RASGRF2: variants seen among roughly 807,000 people sequenced by gnomAD.
RASGRF2 encodes the protein Ras protein specific guanine nucleotide releasing factor 2.
In RASGRF2, 76 loss-of-function variants were observed where a neutral mutation model predicts 151.0. The observed-to-expected ratio is 0.50, with a 90% CI of 0.42 to 0.61. RASGRF2 has a LOEUF of 0.61. RASGRF2 is among the 20% of genes least tolerant of loss of function. The probability of loss-of-function intolerance (pLI) is 0.00; values close to 1 mark genes in which losing one functional copy is unlikely to be tolerated. For missense variants in RASGRF2, 1,148 were observed against 1,564.6 expected, an observed-to-expected ratio of 0.73 and a Z score of 4.49; for synonymous variants, 504 against 566.5, an observed-to-expected ratio of 0.89 and a Z score of 1.57.
chr5:81,034,625 A>C (rs1750400280), intron 1 of RASGRF2, among the ~76,000 whole-genome samples: 1 of 151,776 alleles, frequency 6.6e-6, no homozygotes, highest in African/African-American at 2.4e-5. Context: ...AGCCATAAAA[A>C]ATGATGAGTT....
intron 9 of RASGRF2, among the ~76,000 whole-genome samples, chr5:81,091,964 T>C (rs921524498): frequency 1.3e-5 from 2 of 152,330 alleles, no homozygotes; most frequent in Non-Finnish European, 1.5e-5. Context: ...GAAGTCAGAA[T>C]CAAGAGGTTG....
At chr5:80,971,689 C>T (rs1453450675) in intron 1 of RASGRF2, among the ~76,000 whole-genome samples, 1 of 151,946 alleles carries the variant, frequency 6.6e-6, no homozygotes, top group African/African-American at 2.4e-5. Flanking sequence ...TCTCAGCCCC[C>T]CAAGTAGCTG....
At chr5:81,171,498 T>C (rs1422683052) in intron 17 of RASGRF2, among the ~76,000 whole-genome samples, 1 of 152,090 alleles carries the variant, frequency 6.6e-6, no homozygotes, top group Non-Finnish European at 1.5e-5. Flanking sequence ...GGTCACAAAG[T>C]TGAGCAGACA....
chr5:81,094,248 T>C (rs1752473573), intron 10 of RASGRF2, 48 bp from the exon 11 acceptor site: 1 of 1,477,060 alleles, frequency 6.8e-7, no homozygotes, highest in Non-Finnish European at 9.4e-7. Flanking sequence ...AGCTTCCCAA[T>C]CTACACAAGA....
In RASGRF2 at chr5:81,182,966, A is replaced by G. The variant is rs372355003; in HGVS notation, c.2793+2685A>G. Among the ~76,000 whole-genome samples, 5 of 152,350 alleles carry G rather than the reference A, an allele frequency of 3.3e-5. No homozygotes were observed. The East Asian group carries it at 5.8e-4, about 18-fold the overall frequency. ...CACCCTTATTGTTTTTGGTTTTCACATCATAAAGCGAAGGGCTTGGATACG... is the reference window on the plus strand; with the variant it reads ...CACCCTTATTGTTTTTGGTTTTCACGTCATAAAGCGAAGGGCTTGGATACG... On this transcript the variant is annotated intron_variant, in intron 18 of 26. Coordinates refer to ENST00000265080, the MANE Select transcript of RASGRF2 (RefSeq NM_006909.3).
At chr5:81,170,184 C>A (rs774387804) in intron 17 of RASGRF2, among the ~76,000 whole-genome samples, 3 of 151,970 alleles carry the variant, frequency 2.0e-5, no homozygotes, top group Non-Finnish European at 4.4e-5. Flanking sequence ...GCACTCCCTG[C>A]ACCACTGTTA....
At chr5:81,213,938 C>T (rs1160839497) in intron 23 of RASGRF2, among the ~76,000 whole-genome samples, 1 of 152,142 alleles carries the variant, frequency 6.6e-6, no homozygotes, top group East Asian at 1.9e-4. Flanking sequence ...CGCGGGGATT[C>T]CCTGCACCTT....
chr5:81,072,159 A>G (rs1204451524), intron 4 of RASGRF2, among the ~76,000 whole-genome samples: 1 of 152,208 alleles, frequency 6.6e-6, no homozygotes, highest in Non-Finnish European at 1.5e-5. Flanking sequence ...ATATCAACCT[A>G]ATTTTTGTTT....
intron 17 of RASGRF2, among the ~76,000 whole-genome samples, chr5:81,173,947 T>A (rs1410827118): frequency 3.3e-5 from 5 of 152,152 alleles, no homozygotes; most frequent in African/African-American, 9.7e-5. Flanking sequence ...TAGATACTGA[T>A]TGAATAATTG....
intron 17 of RASGRF2, among the ~76,000 whole-genome samples, chr5:81,168,530 C>T (rs776637842): frequency 2.0e-5 from 3 of 151,944 alleles, no homozygotes; most frequent in Admixed American, 1.3e-4. Context: ...AGGCTGGTCT[C>T]GAACTCCTGA....
intron 17 of RASGRF2, among the ~76,000 whole-genome samples, chr5:81,160,448 G>T (rs985672349): frequency 5.3e-5 from 8 of 150,538 alleles, no homozygotes; most frequent in African/African-American, 2.0e-4. Flanking sequence ...GAGGCAGACA[G>T]ATCACGAGGT....
At chr5:81,127,923 C>CAAAAAAAA (rs60196392) in intron 17 of RASGRF2, among the ~76,000 whole-genome samples, 80 of 64,834 alleles carry the variant, frequency 1.2e-3, no homozygotes, top group African/African-American at 2.0e-3. Flanking sequence ...GACTCCGTCT[C>CAAAAAAAA]AAAAAAAAAA....
At chr5:80,975,465 A>G (rs1332951750) in intron 1 of RASGRF2, among the ~76,000 whole-genome samples, 1 of 152,104 alleles carries the variant, frequency 6.6e-6, no homozygotes, top group Non-Finnish European at 1.5e-5. Context: ...AACTCTTTTT[A>G]AAACAGTGGA....
At chr5:81,102,810 A>C (rs922122334) in intron 12 of RASGRF2, among the ~76,000 whole-genome samples, 1 of 152,210 alleles carries the variant, frequency 6.6e-6, no homozygotes, top group African/African-American at 2.4e-5. Context: ...TTGAGTGTTG[A>C]AATCCCAAGC....
At chr5:81,179,148 G>A (rs1369406638) in intron 17 of RASGRF2, among the ~76,000 whole-genome samples, 1 of 152,212 alleles carries the variant, frequency 6.6e-6, no homozygotes, top group East Asian at 1.9e-4. Flanking sequence ...AAAACAGTGT[G>A]TCAGTGGAAA....
chr5:81,029,934 T>C (rs1174588274), intron 1 of RASGRF2, among the ~76,000 whole-genome samples: 5 of 152,066 alleles, frequency 3.3e-5, no homozygotes, highest in African/African-American at 1.2e-4. Context: ...CTAACTAGAA[T>C]AAACAATGTA....
intron 15 of RASGRF2, among the ~76,000 whole-genome samples, chr5:81,120,189 C>T (rs1205578187): frequency 6.6e-6 from 1 of 152,142 alleles, no homozygotes. Flanking sequence ...CTATAGCTGT[C>T]CTCTAATTTC....
At chr5:81,114,150 A>G (rs924100503) in intron 15 of RASGRF2, among the ~76,000 whole-genome samples, 1 of 152,224 alleles carries the variant, frequency 6.6e-6, no homozygotes, top group Admixed American at 6.5e-5. Context: ...TAAAAGGCTT[A>G]TTGTGGTCAG....
intron 17 of RASGRF2, among the ~76,000 whole-genome samples, chr5:81,158,510 GAACA>G: frequency 6.6e-6 from 1 of 151,970 alleles, no homozygotes; most frequent in Non-Finnish European, 1.5e-5. Context: ...TCGAGAAAGT[GAACA>G]GACAACCCAT....
Sources: gnomAD v4.1 joint callset for allele counts (sites outside exome capture counted in the v4.1 genomes callset) on GRCh38, gnomAD v4.1.1 for gene constraint, MANE v1.5 for transcripts, NCBI Gene and HGNC (gene_info 2026-07-23, HGNC 2026-07-21) for gene names.